ROBO1: variants seen among roughly 807,000 people sequenced by gnomAD.
ROBO1 encodes the protein roundabout guidance receptor 1.
A neutral mutation model predicts 195.9 loss-of-function variants in ROBO1; 149 were observed. The observed-to-expected ratio is 0.76, with a 90% CI of 0.67 to 0.87. The LOEUF (loss-of-function observed/expected upper bound fraction) is 0.87, where lower values mean the gene tolerates loss of function less well. ROBO1 is among the 40% of genes least tolerant of loss of function. The pLI is 0.00. For missense variants in ROBO1, 1,933 were observed against 2,068.3 expected (o/e 0.93, Z 1.27); for synonymous variants, 816 against 733.2 (o/e 1.11, Z -1.82).
In ROBO1 at chr3:78,884,653, AAGGAAGGAAGGAAGG is replaced by A. The variant is rs1559961846; in HGVS notation, c.499+53933_499+53947del. Among the ~76,000 whole-genome samples, 679 of 95,210 alleles carry A rather than the reference AAGGAAGGAAGGAAGG, an allele frequency of 7.1e-3. 10 individuals are homozygous for A. Among genetic ancestry groups the A allele is most frequent in the African/African-American group, 0.028 (627 of 22,030 alleles). 62.5% of individuals were successfully genotyped at this position (95,210 alleles called of 152,430 possible). ...AGAAAGAGAAAGAAAGAAAGAAAGG[AAGGAAGGAAGGAAGG>A]AAGGAAGGAAGGAAGGAAGGAAGGA... On this transcript the variant is annotated intron_variant, in intron 4 of 30. Coordinates refer to ENST00000464233, the MANE Select transcript of ROBO1 (RefSeq NM_002941.4).
At chr3:79,189,588 C>CA (rs1559723384) in intron 2 of ROBO1, among the ~76,000 whole-genome samples, 1 of 151,076 alleles carries the variant, frequency 6.6e-6, no homozygotes, top group Non-Finnish European at 1.5e-5. Context: ...CCCATATTCC[C>CA]AAAAAAGAAA....
chr3:79,590,608 G>C (rs1243924171), intron 1 of ROBO1, among the ~76,000 whole-genome samples: 3 of 151,688 alleles, frequency 2.0e-5, no homozygotes, highest in African/African-American at 7.3e-5. Context: ...ATATATGCAG[G>C]TGACTGGTTA....
chr3:79,249,422 T>C (rs2082680531), intron 2 of ROBO1, among the ~76,000 whole-genome samples: 1 of 152,212 alleles, frequency 6.6e-6, no homozygotes, highest in African/African-American at 2.4e-5. Context: ...ATCTCACCTA[T>C]GACCCCTCCT....
chr3:78,888,031 G>T (rs2036665694), intron 4 of ROBO1, among the ~76,000 whole-genome samples: 1 of 152,114 alleles, frequency 6.6e-6, no homozygotes, highest in Non-Finnish European at 1.5e-5. Context: ...AGATCATAAG[G>T]AAACTGCATT....
chr3:79,395,913 G>A (rs7621871), intron 2 of ROBO1, among the ~76,000 whole-genome samples: 79,710 of 151,708 alleles, frequency 0.53, 21,008 homozygotes, highest in East Asian at 0.62. Context: ...GTCTACACAT[G>A]ACTTTGCATT....
chr3:79,390,794 C>T (rs186088371), intron 2 of ROBO1, among the ~76,000 whole-genome samples: 1 of 152,024 alleles, frequency 6.6e-6, no homozygotes, highest in East Asian at 1.9e-4. Flanking sequence ...TAAAAATTGG[C>T]AGCCAAATTT....
chr3:78,704,661 CAAAAAAA>C (rs1160098731), intron 8 of ROBO1, among the ~76,000 whole-genome samples: 108 of 61,694 alleles, frequency 1.8e-3, no homozygotes, highest in Admixed American at 6.6e-3. Flanking sequence ...CTCATCTCTC[CAAAAAAA>C]AAAAAAAAAA....
chr3:78,831,545 T>C (rs1043315967), intron 4 of ROBO1, among the ~76,000 whole-genome samples: 2 of 152,198 alleles, frequency 1.3e-5, no homozygotes, highest in African/African-American at 4.8e-5. Flanking sequence ...TTGTGCACAG[T>C]ACAGAGGAGA....
chr3:79,564,355 T>C (rs1379597862), intron 2 of ROBO1, among the ~76,000 whole-genome samples: 1 of 152,034 alleles, frequency 6.6e-6, no homozygotes, highest in Non-Finnish European at 1.5e-5. Context: ...TGCATGATAC[T>C]GTACCTATTT....
At chr3:78,904,072 T>C (rs2037747493) in intron 4 of ROBO1, among the ~76,000 whole-genome samples, 1 of 151,986 alleles carries the variant, frequency 6.6e-6, no homozygotes, top group Admixed American at 6.6e-5. Flanking sequence ...AAACATTAGA[T>C]ATGAGTATAT....
At chr3:79,452,930 CAA>C in intron 2 of ROBO1, among the ~76,000 whole-genome samples, 1 of 151,238 alleles carries the variant, frequency 6.6e-6, no homozygotes, top group Admixed American at 6.6e-5. Context: ...AAGTTTTGTA[CAA>C]AAAGGGAAAT....
chr3:79,350,602 C>T (rs1166536907), intron 2 of ROBO1, among the ~76,000 whole-genome samples: 1 of 152,076 alleles, frequency 6.6e-6, no homozygotes, highest in African/African-American at 2.4e-5. Flanking sequence ...TGGAATGTTA[C>T]TTGGCTAACA....
intron 4 of ROBO1, among the ~76,000 whole-genome samples, chr3:78,776,853 A>G (rs1482584935): frequency 6.6e-6 from 1 of 152,212 alleles, no homozygotes. Context: ...GGAGGATAAT[A>G]AAATAGCGAC....
intron 4 of ROBO1, among the ~76,000 whole-genome samples, chr3:78,820,724 A>G (rs1278948715): frequency 2.0e-5 from 3 of 152,218 alleles, no homozygotes; most frequent in Non-Finnish European, 4.4e-5. Flanking sequence ...GAAGCCTCAC[A>G]TACTAGTCTG....
intron 2 of ROBO1, among the ~76,000 whole-genome samples, chr3:79,233,330 C>A (rs187013821): frequency 1.5e-4 from 23 of 151,966 alleles, no homozygotes; most frequent in Non-Finnish European, 2.7e-4. Flanking sequence ...GAATTGTAGA[C>A]AAGGAAATAT....
At chr3:79,181,436 A>G (rs1229771457) in intron 2 of ROBO1, among the ~76,000 whole-genome samples, 4 of 152,224 alleles carry the variant, frequency 2.6e-5, no homozygotes, top group African/African-American at 7.2e-5. Context: ...TACAGTCTAT[A>G]TATCATATTG....
intron 2 of ROBO1, among the ~76,000 whole-genome samples, chr3:79,357,923 T>A (rs757748577): frequency 5.8e-4 from 89 of 152,266 alleles, no homozygotes; most frequent in Non-Finnish European, 1.0e-3. Flanking sequence ...AAATAAAATA[T>A]GAAATTAATG....
chr3:79,281,805 C>G (rs2109003380), intron 2 of ROBO1, among the ~76,000 whole-genome samples: 1 of 152,214 alleles, frequency 6.6e-6, no homozygotes, highest in South Asian at 2.1e-4. Flanking sequence ...ATGAGGCAAC[C>G]AAGCCTCAGA....
chr3:79,209,502 C>T (rs938647808), intron 2 of ROBO1, among the ~76,000 whole-genome samples: 2 of 151,468 alleles, frequency 1.3e-5, no homozygotes, highest in Non-Finnish European at 2.9e-5. Flanking sequence ...GACTTCTTTT[C>T]CTTTGGGTAG....
Sources: allele counts gnomAD v4.1 joint callset (sites outside exome capture counted in the v4.1 genomes callset), GRCh38; gene constraint gnomAD v4.1.1; transcripts MANE v1.5; gene names NCBI Gene and HGNC (gene_info 2026-07-23, HGNC 2026-07-21).